Variants in SPECC1L observed in about 807,000 individuals in gnomAD.
SPECC1L encodes cytospin-A.
In SPECC1L, 40 loss-of-function variants were observed where a neutral mutation model predicts 116.8. The ratio of observed to expected loss-of-function variants is 0.34; its 90% CI spans 0.27 to 0.45. The LOEUF is 0.45. Ranked by LOEUF, SPECC1L falls within the 20% of genes least tolerant of loss-of-function variation. SPECC1L has a pLI of 1.00. For synonymous variants in SPECC1L, 504 were observed against 500.6 expected, an observed-to-expected ratio of 1.01 and a Z score of -0.09; for missense variants, 1,110 against 1,373.6, an observed-to-expected ratio of 0.81 and a Z score of 3.03.
Position 24,399,561 on chromosome 22 carries a change from A to G in SPECC1L, c.3088-12027A>G, listed in dbSNP as rs2042431428. ...ACTCCAGCCTGGGCGACAAAGCGAG[A>G]CTCCATTTCAAAAAAAACAAAAAAA... On this transcript the variant is annotated intron_variant, in intron 14 of 16. Transcript: ENST00000314328. Among the ~76,000 whole-genome samples, 3 of 152,012 alleles carry G rather than the reference A, an allele frequency of 2.0e-5. No individual in the cohort carries two copies. In the South Asian group the frequency reaches 6.2e-4, roughly 32 times the overall value.
intron 14 of SPECC1L, among the ~76,000 whole-genome samples, chr22:24,385,940 A>G (rs2042152723): frequency 6.6e-6 from 1 of 152,236 alleles, no homozygotes; most frequent in Non-Finnish European, 1.5e-5. Context: ...AGTGGATTGC[A>G]CATTCCTTCT....
intron 14 of SPECC1L, among the ~76,000 whole-genome samples, chr22:24,383,790 C>CTTTTTTTTTTTTTTTT (rs2042104560): frequency 1.3e-5 from 1 of 77,160 alleles, no homozygotes; most frequent in Non-Finnish European, 2.5e-5. Context: ...GCACCCACCA[C>CTTTTTTTTTTTTTTTT]TATTTTTTTT....
chr22:24,380,326 G>A (rs1376164770), intron 14 of SPECC1L, among the ~76,000 whole-genome samples: 1 of 152,138 alleles, frequency 6.6e-6, no homozygotes, highest in Non-Finnish European at 1.5e-5. Context: ...TCTGTCCTTT[G>A]GTCTCTGACT....
rs187756368 is a variant in SPECC1L at position 24,399,307 on chromosome 22, A to G, written c.3088-12281A>G. On this transcript the variant is annotated intron_variant, in intron 14 of 16. Transcript: ENST00000314328. ...GTTAAAGCGCCGGGCATGGTGGCTC[A>G]CGCCTGTAATCCCAGCACTTTGGGA... is the stretch of plus-strand genomic sequence containing the variant. 2.5e-3 allele frequency among the ~76,000 whole-genome samples: 387 copies of G among 152,344 alleles called. 1 individual carries two copies. The highest frequency in any genetic ancestry group is 8.8e-3 in the African/African-American group (364 of 41,568).
intron 2 of SPECC1L, among the ~76,000 whole-genome samples, chr22:24,294,485 G>A (rs1252985123): frequency 4.0e-5 from 6 of 150,850 alleles, no homozygotes; most frequent in African/African-American, 4.9e-5. Context: ...GGGTTCAAGC[G>A]ATTCTTCTGC....
chr22:24,306,690 G>T lies in SPECC1L; in HGVS notation c.153+4306G>T, dbSNP rs548470584. Among the ~76,000 whole-genome samples the T allele has an allele frequency of 3.9e-4, 60 of 152,290 alleles. 1 individual carries two copies. Among genetic ancestry groups the T allele is most frequent in the Admixed American group, 1.7e-3 (26 of 15,294 alleles). Reference sequence around the variant, plus strand: ...CCAACCATCTTAACAATTTTTAAGTGTGCAGTTCAGTTCTGTTAAATACAT... The same window carrying T: ...CCAACCATCTTAACAATTTTTAAGTTTGCAGTTCAGTTCTGTTAAATACAT... On this transcript the variant is annotated intron_variant, in intron 3 of 16. Coordinates refer to ENST00000314328, the MANE Select transcript of SPECC1L (RefSeq NM_015330.6).
intron 2 of SPECC1L, among the ~76,000 whole-genome samples, 171 bp from the exon 3 acceptor site, chr22:24,302,024 T>C (rs1298333668): frequency 1.3e-5 from 2 of 151,756 alleles, no homozygotes; most frequent in African/African-American, 4.8e-5. Context: ...CCAGCCTGGG[T>C]GACAGAGCGA....
chr22:24,277,782 T>G (rs2048865482), intron 2 of SPECC1L, among the ~76,000 whole-genome samples: 1 of 152,240 alleles, frequency 6.6e-6, no homozygotes, highest in Non-Finnish European at 1.5e-5. Context: ...CATCAGTTGA[T>G]GAACATTTGC....
chr22:24,306,103 C>T (rs1402646308), intron 3 of SPECC1L, among the ~76,000 whole-genome samples: 1 of 152,034 alleles, frequency 6.6e-6, no homozygotes, highest in Non-Finnish European at 1.5e-5. Context: ...GACGGGGTTT[C>T]TCCATGTTGG....
rs140473197 is a variant in SPECC1L, at chr22:24,334,590, A to G, written c.2560+17A>G. 16 of 1,613,838 alleles carry G rather than the reference A, an allele frequency of 9.9e-6. No homozygotes were observed. In the African/African-American group the frequency reaches 1.9e-4, roughly 19 times the overall value. ...CATCTCAAGGTAATTAATTTCTCCT[A>G]CATTGTGCCTACTGCATGCGGTTGT... On this transcript the variant is annotated intron_variant, in intron 9 of 16. Transcript: ENST00000314328.
intron 8 of SPECC1L, 23 bp from the exon 9 acceptor site, chr22:24,334,387 T>A (rs1325895761): frequency 8.1e-6 from 13 of 1,613,382 alleles, no homozygotes; most frequent in Non-Finnish European, 1.1e-5. Context: ...GTAAAAATGC[T>A]CTGATTTCAA....
chr22:24,303,631 C>T (rs1320694026), intron 3 of SPECC1L, among the ~76,000 whole-genome samples: 6 of 152,114 alleles, frequency 3.9e-5, no homozygotes, highest in African/African-American at 1.4e-4. Flanking sequence ...GTGGCCTCTT[C>T]GTCAGAGGCA....
chr22:24,312,331 T>TA (rs1395921723), intron 3 of SPECC1L, among the ~76,000 whole-genome samples: 1 of 152,186 alleles, frequency 6.6e-6, no homozygotes, highest in Non-Finnish European at 1.5e-5. Flanking sequence ...ATAACAGAAA[T>TA]ATGCTTCATA....
chr22:24,311,886 G>T (rs1192106615), intron 3 of SPECC1L, among the ~76,000 whole-genome samples: 1 of 141,854 alleles, frequency 7.0e-6, no homozygotes, highest in East Asian at 2.1e-4. Context: ...ATGTATTCTA[G>T]ATTTCATAAT....
chr22:24,347,874 C>A (rs894917553), intron 11 of SPECC1L, among the ~76,000 whole-genome samples: 1 of 152,114 alleles, frequency 6.6e-6, no homozygotes, highest in African/African-American at 2.4e-5. Context: ...CAGGGTTTCA[C>A]CATGTTAGCC....
intron 4 of SPECC1L, among the ~76,000 whole-genome samples, chr22:24,319,639 C>T (rs1601548331): frequency 6.6e-6 from 1 of 152,168 alleles, no homozygotes; most frequent in African/African-American, 2.4e-5. Flanking sequence ...ATGAACATTC[C>T]CCAGCAGCTT....
chr22:24,345,377 C>A (rs1281689251), intron 10 of SPECC1L, among the ~76,000 whole-genome samples: 2 of 152,004 alleles, frequency 1.3e-5, no homozygotes, highest in African/African-American at 4.8e-5. Flanking sequence ...GAGAGAAAAT[C>A]TTCATGACTT....
chr22:24,383,995 G>C (rs1431411263), intron 14 of SPECC1L, among the ~76,000 whole-genome samples: 2 of 151,548 alleles, frequency 1.3e-5, no homozygotes, highest in Admixed American at 1.3e-4. Flanking sequence ...GCTTGAGCTA[G>C]GAACTCCCAT....
At chr22:24,345,971 G>A (rs772060042) in intron 10 of SPECC1L, among the ~76,000 whole-genome samples, 5 of 151,964 alleles carry the variant, frequency 3.3e-5, no homozygotes, top group African/African-American at 1.2e-4. Context: ...GAGAGCTGAG[G>A]GGTTTTAAGT....
Sources: allele counts gnomAD v4.1 joint callset (sites outside exome capture counted in the v4.1 genomes callset), GRCh38; gene constraint gnomAD v4.1.1; transcripts MANE v1.5; gene names NCBI Gene and HGNC (gene_info 2026-07-23, HGNC 2026-07-21).